The following AGBL4 variants were observed in gnomAD, a reference collection of about 807,000 sequenced individuals.
The protein encoded by AGBL4 is AGBL carboxypeptidase 4.
In AGBL4, 58 loss-of-function variants were observed where a neutral mutation model predicts 66.4. That is an observed-to-expected ratio of 0.87 (90% confidence interval 0.71 to 1.09). The LOEUF (loss-of-function observed/expected upper bound fraction) is 1.09. AGBL4 is among the 50% of genes least tolerant of loss of function. The probability of loss-of-function intolerance (pLI) is 0.00; values close to 1 mark genes in which losing one functional copy is unlikely to be tolerated. For synonymous variants in AGBL4, 234 were observed against 222.9 expected (o/e 1.05, Z -0.44); for missense variants, 579 against 631.0 (o/e 0.92, Z 0.88).
intron 4 of AGBL4, among the ~76,000 whole-genome samples, chr1:49,083,163 T>C (rs953748760): frequency 1.3e-5 from 2 of 152,154 alleles, no homozygotes; most frequent in African/African-American, 2.4e-5. Context: ...TCCAGGAGCA[T>C]AGTGCAAGCT....
intron 3 of AGBL4, among the ~76,000 whole-genome samples, chr1:49,447,120 A>T (rs1646175246): frequency 6.6e-6 from 1 of 152,096 alleles, no homozygotes; most frequent in Non-Finnish European, 1.5e-5. Flanking sequence ...TCCATGCATG[A>T]GCCTGAGCAC....
chr1:49,233,150 T>A (rs1650456234), intron 4 of AGBL4, among the ~76,000 whole-genome samples: 1 of 152,168 alleles, frequency 6.6e-6, no homozygotes, highest in Non-Finnish European at 1.5e-5. Flanking sequence ...CAAATCTAGT[T>A]GAGGTAAATA....
intron 3 of AGBL4, among the ~76,000 whole-genome samples, chr1:49,246,537 C>T (rs1252099405): frequency 6.6e-6 from 1 of 151,756 alleles, no homozygotes; most frequent in Non-Finnish European, 1.5e-5. Context: ...ACGTTTATAG[C>T]GCCATAAGTA....
chr1:48,705,962 C>T (rs544512604), intron 6 of AGBL4, among the ~76,000 whole-genome samples: 1 of 152,212 alleles, frequency 6.6e-6, no homozygotes, highest in African/African-American at 2.4e-5. Flanking sequence ...GGTTACATGG[C>T]ATACATAGAG....
chr1:48,629,951 C>T lies in AGBL4; in HGVS notation c.951+4542G>A, dbSNP rs566910045. ...AACCAAGTCACAGAAGCTCTAGGTT[C>T]GCTTCATCATTTGCTCAACATTTAT... is the stretch of plus-strand genomic sequence containing the variant. On this transcript the variant is annotated intron_variant, in intron 9 of 13. Transcript: ENST00000371839. 1.9e-3 allele frequency among the ~76,000 whole-genome samples: 293 copies of T among 152,282 alleles called. 1 individual carries two copies. The highest frequency in any genetic ancestry group is 3.4e-3 in the Non-Finnish European group (229 of 68,038).
At chr1:48,792,305 C>T (rs1353481672) in intron 6 of AGBL4, among the ~76,000 whole-genome samples, 2 of 152,074 alleles carry the variant, frequency 1.3e-5, no homozygotes, top group Non-Finnish European at 2.9e-5. Context: ...TCAGTGGGAG[C>T]ATGGCTCTGC....
intron 5 of AGBL4, among the ~76,000 whole-genome samples, chr1:48,930,481 C>A (rs1353262265): frequency 6.6e-6 from 1 of 152,024 alleles, no homozygotes; most frequent in African/African-American, 2.4e-5. Context: ...ACAATAGCAA[C>A]CTAGATAGCC....
At chr1:49,407,065 C>CAAAAAA (rs57974289) in intron 3 of AGBL4, among the ~76,000 whole-genome samples, 3 of 25,900 alleles carry the variant, frequency 1.2e-4, no homozygotes, top group East Asian at 1.2e-3. Context: ...ACTCTGCCTC[C>CAAAAAA]AAAAAAAAAA....
chr1:49,215,138 T>C (rs1046368394), intron 4 of AGBL4, among the ~76,000 whole-genome samples: 1 of 152,146 alleles, frequency 6.6e-6, no homozygotes, highest in African/African-American at 2.4e-5. Flanking sequence ...GTCAGAAATA[T>C]TCCAGCATAT....
At chr1:49,531,024 A>G (rs1651101562) in intron 3 of AGBL4, among the ~76,000 whole-genome samples, 1 of 152,110 alleles carries the variant, frequency 6.6e-6, no homozygotes, top group Non-Finnish European at 1.5e-5. Context: ...CAATCAATAA[A>G]TTCTCACCTC....
chr1:49,829,879 C>T (rs959414836), intron 2 of AGBL4, among the ~76,000 whole-genome samples: 15 of 152,090 alleles, frequency 9.9e-5, no homozygotes, highest in African/African-American at 3.6e-4. Flanking sequence ...TTGCTTTTCT[C>T]TTCTTGTGTT....
rs1330687610 is a variant in AGBL4, at chr1:48,759,568, T to C, written c.635-96327A>G. 2.6e-5 allele frequency among the ~76,000 whole-genome samples: 4 copies of C among 152,340 alleles called. No individual in the cohort carries two copies. In the East Asian group the frequency reaches 7.7e-4, roughly 29 times the overall value. On this transcript the variant is annotated intron_variant, in intron 6 of 13. Transcript: ENST00000371839. ...TTTTCCTTTTCACCACTCTGCCTCC[T>C]GGATGCATATACCATGACCACCCTT...
chr1:49,148,888 C>T (rs940343818), intron 4 of AGBL4, among the ~76,000 whole-genome samples: 1 of 152,170 alleles, frequency 6.6e-6, no homozygotes, highest in African/African-American at 2.4e-5. Context: ...CCTGGGTAAG[C>T]GATCACTTCT....
chr1:49,358,297 C>G (rs1000943547), intron 3 of AGBL4, among the ~76,000 whole-genome samples: 2 of 152,060 alleles, frequency 1.3e-5, no homozygotes, highest in East Asian at 3.9e-4. Flanking sequence ...CTAGATAAAG[C>G]TTTCCAGACC....
At chr1:49,931,416 C>T (rs1653343857) in intron 1 of AGBL4, among the ~76,000 whole-genome samples, 1 of 152,060 alleles carries the variant, frequency 6.6e-6, no homozygotes, top group Admixed American at 6.6e-5. Context: ...TGGGAGGCCT[C>T]AGGAAACTTA....
At chr1:48,716,368 C>T (rs909395037) in intron 6 of AGBL4, among the ~76,000 whole-genome samples, 2 of 151,790 alleles carry the variant, frequency 1.3e-5, no homozygotes, top group Non-Finnish European at 2.9e-5. Flanking sequence ...GCCTCAGCGT[C>T]CACATCTTCA....
chr1:49,832,293 A>C lies in AGBL4; in HGVS notation c.157+19103T>G, dbSNP rs930446052. Among the ~76,000 whole-genome samples the C allele has an allele frequency of 3.3e-5, 5 of 150,930 alleles. No homozygotes were observed. The East Asian group carries it at 9.7e-4, about 29-fold the overall frequency. On this transcript the variant is annotated intron_variant, in intron 2 of 13. Coordinates refer to ENST00000371839, the MANE Select transcript of AGBL4 (RefSeq NM_032785.4). ...TAGTTTACTGAGAATGATGATTTCC[A>C]ATTTCATCCATGTCCCTACAAAGGA...
intron 6 of AGBL4, among the ~76,000 whole-genome samples, chr1:48,840,926 G>A (rs1646782614): frequency 6.8e-6 from 1 of 146,812 alleles, no homozygotes; most frequent in Non-Finnish European, 1.5e-5. Context: ...CAAGTCTAAG[G>A]AATTGTAAGC....
intron 4 of AGBL4, among the ~76,000 whole-genome samples, chr1:49,146,112 T>TGG (rs1425603153): frequency 2.6e-5 from 4 of 152,054 alleles, no homozygotes; most frequent in Non-Finnish European, 2.9e-5. Context: ...TAGTGGGGGT[T>TGG]GGGGGACTGG....
Sources: gnomAD v4.1 joint callset for allele counts (sites outside exome capture counted in the v4.1 genomes callset) on GRCh38, gnomAD v4.1.1 for gene constraint, MANE v1.5 for transcripts, NCBI Gene and HGNC (gene_info 2026-07-23, HGNC 2026-07-21) for gene names.